The following RGS22 variants were observed in gnomAD, a reference collection of about 807,000 sequenced individuals.
The protein encoded by RGS22 is regulator of G-protein signaling 22.
In RGS22, 148 loss-of-function variants were observed where a neutral mutation model predicts 172.9. That is an observed-to-expected ratio of 0.86 (90% confidence interval 0.75 to 0.98). The LOEUF is 0.98. RGS22 is among the 50% of genes least tolerant of loss of function. The probability of loss-of-function intolerance (pLI) is 0.00; values close to 1 mark genes in which losing one functional copy is unlikely to be tolerated. For synonymous variants in RGS22, 458 were observed against 480.2 expected (o/e 0.95, Z 0.60); for missense variants, 1,347 against 1,440.8 (o/e 0.93, Z 1.05).
intron 20 of RGS22, among the ~76,000 whole-genome samples, chr8:99,989,857 CAGACAGAT>C (rs1350225972): frequency 2.2e-4 from 31 of 137,840 alleles, no homozygotes; most frequent in African/African-American, 7.9e-4. Context: ...GATAGATAGA[CAGACAGAT>C]AGATAGATAG....
At chr8:99,990,218 G>C (rs1395687962) in intron 20 of RGS22, among the ~76,000 whole-genome samples, 1 of 152,128 alleles carries the variant, frequency 6.6e-6, no homozygotes, top group African/African-American at 2.4e-5. Flanking sequence ...GTGATAATGA[G>C]CTATGATCAT....
chr8:100,006,211 T>C, intron 15 of RGS22, 102 bp from the exon 16 acceptor site: 4 of 882,896 alleles, frequency 4.5e-6, no homozygotes, highest in Non-Finnish European at 6.9e-6. Context: ...GAAATTATTT[T>C]CAAAGCAAAA....
intron 2 of RGS22, among the ~76,000 whole-genome samples, chr8:100,094,596 T>C (rs1178234340): frequency 1.3e-5 from 2 of 152,200 alleles, no homozygotes; most frequent in African/African-American, 4.8e-5. Context: ...TTTCAACTGA[T>C]TAAAATAACA....
At chr8:100,090,134 A>C (rs529170495) in intron 3 of RGS22, among the ~76,000 whole-genome samples, 8 of 152,194 alleles carry the variant, frequency 5.3e-5, no homozygotes, top group Non-Finnish European at 1.0e-4. Context: ...AAAGTGAAGC[A>C]CTAAACCTGT....
intron 22 of RGS22, among the ~76,000 whole-genome samples, chr8:99,979,943 CAGG>C (rs767000380): frequency 1.3e-5 from 2 of 152,080 alleles, no homozygotes; most frequent in Non-Finnish European, 2.9e-5. Context: ...GCAAAAAGCT[CAGG>C]AGAGAAAGCA....
intron 14 of RGS22, among the ~76,000 whole-genome samples, chr8:100,009,137 G>T (rs1024483241): frequency 3.3e-5 from 5 of 152,152 alleles, no homozygotes; most frequent in Non-Finnish European, 7.3e-5. Context: ...GCGAATGGAG[G>T]CCAGGTGCAG....
At chr8:100,030,360 T>A (rs988136288) in intron 14 of RGS22, among the ~76,000 whole-genome samples, 1 of 152,216 alleles carries the variant, frequency 6.6e-6, no homozygotes. Flanking sequence ...TTTTTTATCA[T>A]TTTTTTAGAA....
At chr8:100,074,379 C>A (rs1811192437) in intron 4 of RGS22, among the ~76,000 whole-genome samples, 1 of 152,192 alleles carries the variant, frequency 6.6e-6, no homozygotes, top group South Asian at 2.1e-4. Flanking sequence ...AATCAAGATA[C>A]AGAATAGTTC....
intron 23 of RGS22, among the ~76,000 whole-genome samples, chr8:99,974,985 A>G (rs1284262610): frequency 6.6e-6 from 1 of 152,080 alleles, no homozygotes; most frequent in Non-Finnish European, 1.5e-5. Flanking sequence ...ACCTCTACAA[A>G]AAATACAAAA....
At chr8:100,018,439 C>T (rs879681502) in intron 14 of RGS22, among the ~76,000 whole-genome samples, 59 of 152,044 alleles carry the variant, frequency 3.9e-4, no homozygotes, top group Non-Finnish European at 5.7e-4. Flanking sequence ...GACACACACA[C>T]ACACACACAA....
chr8:100,021,976 G>A (rs1441864580), intron 14 of RGS22, among the ~76,000 whole-genome samples: 3 of 152,082 alleles, frequency 2.0e-5, no homozygotes, highest in Non-Finnish European at 4.4e-5. Context: ...TAACAAGCAA[G>A]TTCAAGCAAT....
intron 14 of RGS22, among the ~76,000 whole-genome samples, chr8:100,023,170 A>G (rs972748412): frequency 5.9e-5 from 9 of 152,196 alleles, no homozygotes; most frequent in African/African-American, 2.2e-4. Flanking sequence ...AAAATCAACC[A>G]TCATTAAGGT....
intron 15 of RGS22, among the ~76,000 whole-genome samples, chr8:100,006,690 C>A (rs992306530): frequency 1.3e-5 from 2 of 152,150 alleles, no homozygotes; most frequent in African/African-American, 2.4e-5. Flanking sequence ...TGAGAACTTT[C>A]TTTATTTAAT....
At chr8:99,972,124 A>T (rs896885433) in intron 23 of RGS22, among the ~76,000 whole-genome samples, 2 of 152,196 alleles carry the variant, frequency 1.3e-5, no homozygotes, top group Non-Finnish European at 2.9e-5. Context: ...ATCTTCGACA[A>T]ACCTGACAAA....
chr8:100,008,442 T>C lies in RGS22; in HGVS notation c.2294A>G (p.Tyr765Cys), dbSNP rs1379908672. 4 of 1,613,622 alleles carry C rather than the reference T, an allele frequency of 2.5e-6. No homozygotes were observed. Among genetic ancestry groups the C allele is most frequent in the Non-Finnish European group, 3.4e-6 (4 of 1,179,954 alleles). Residue 765 changes from tyrosine (Y) to cysteine (C), a missense_variant, in exon 15 of 28, where the codon TAT (tyrosine) becomes TGT (cysteine). Tyr to Cys is a radical substitution (Grantham distance 194, BLOSUM62 -2). Transcript: ENST00000360863. Reference protein sequence around the residue: ...FEDLFDTAEEYILLLLLEPWT... With the variant: ...FEDLFDTAEECILLLLLEPWT... The stretch of plus-strand genomic sequence containing the variant: ...TGGCTCAAGAAGGAGGAGAAGGATA[T>C]ATTCCTCTGCTGTGTCAAAAAGGTC...
rs190948869 is a variant in RGS22 at position 99,986,669 on chromosome 8, T to C, written c.3180+789A>G. ...AACACTTAACCCTGAAAATAAACTGTCTTTGTACCTAGCCATTTCTCTTTT... is the reference window on the plus strand; with the variant it reads ...AACACTTAACCCTGAAAATAAACTGCCTTTGTACCTAGCCATTTCTCTTTT... On this transcript the variant is annotated intron_variant, in intron 21 of 27. Transcript: ENST00000360863. Among the ~76,000 whole-genome samples, 14 of 152,308 alleles carry C rather than the reference T, an allele frequency of 9.2e-5. No individual in the cohort carries two copies. In the East Asian group the frequency reaches 2.7e-3, roughly 29 times the overall value.
chr8:100,063,485 T>C lies in RGS22; in HGVS notation c.1283A>G (p.Glu428Gly). The C allele has an allele frequency of 6.2e-7, 1 of 1,613,322 alleles. No individual in the cohort carries two copies. Among genetic ancestry groups the C allele is most frequent in the Non-Finnish European group, 8.5e-7 (1 of 1,179,418 alleles). The change falls in exon 8 of 28, where the codon GAG becomes GGG. Residue 428 changes from glutamate to glycine, a missense_variant. Physicochemically the swap from Glu to Gly is moderately conservative, Grantham distance 98. Coordinates refer to ENST00000360863, the MANE Select transcript of RGS22 (RefSeq NM_015668.5). The stretch of plus-strand genomic sequence containing the variant: ...ATCCATCCATAGCCACCAATATCTC[T>C]CTCCCAATGTACCTTTTATAAATTT... ...FKKFIKGTLG[E>G]RYWWLWMDIE...
At chr8:100,014,497 G>C (rs13276275) in intron 14 of RGS22, among the ~76,000 whole-genome samples, 1 of 151,832 alleles carries the variant, frequency 6.6e-6, no homozygotes, top group Non-Finnish European at 1.5e-5. Context: ...CCACATAATC[G>C]CCAATTCAAT....
intron 8 of RGS22, 146 bp downstream of exon 8, chr8:100,063,270 A>G: frequency 1.9e-6 from 1 of 532,462 alleles, no homozygotes; most frequent in Non-Finnish European, 3.2e-6. Context: ...TACTATTATA[A>G]TAAGTTTTAT....
Sources: allele counts gnomAD v4.1 joint callset (sites outside exome capture counted in the v4.1 genomes callset), GRCh38; gene constraint gnomAD v4.1.1; transcripts MANE v1.5; gene names NCBI Gene and HGNC (gene_info 2026-07-23, HGNC 2026-07-21).